BMAL2: variants seen among roughly 807,000 people sequenced by gnomAD.
BMAL2 encodes basic helix-loop-helix ARNT-like protein 2.
the BMAL2 span, among the ~76,000 whole-genome samples, chr12:27,339,040 C>T: frequency 6.6e-6 from 1 of 152,116 alleles, no homozygotes; most frequent in African/African-American, 2.4e-5. Flanking sequence ...GTTTGTTGTA[C>T]AGGTTATTTC....
At chr12:27,414,064 C>T in the BMAL2 span, among the ~76,000 whole-genome samples, 1 of 151,908 alleles carries the variant, frequency 6.6e-6, no homozygotes, top group African/African-American at 2.4e-5. Flanking sequence ...AAAAAAAACT[C>T]CCCTGCAAAA....
chr12:27,360,965 A>C, the BMAL2 span, among the ~76,000 whole-genome samples: 15 of 152,184 alleles, frequency 9.9e-5, no homozygotes, highest in Non-Finnish European at 2.1e-4. Context: ...ATTTTTAACC[A>C]AAAGTTATTT....
At chr12:27,341,692 C>A in the BMAL2 span, among the ~76,000 whole-genome samples, 1 of 152,162 alleles carries the variant, frequency 6.6e-6, no homozygotes, top group Admixed American at 6.5e-5. Context: ...GATGTGGGTA[C>A]GTGCTCCAGA....
At chr12:27,418,034 G>C in the BMAL2 span, 2 of 1,082,970 alleles carry the variant, frequency 1.8e-6, no homozygotes, top group Non-Finnish European at 2.7e-6. Context: ...TAAATAAAGA[G>C]TGTCCTTATT....
At chr12:27,339,258 A>G in the BMAL2 span, among the ~76,000 whole-genome samples, 3 of 152,206 alleles carry the variant, frequency 2.0e-5, no homozygotes, top group East Asian at 1.9e-4. Context: ...AATGGCCTCC[A>G]GTTCCATTGA....
At chr12:27,368,410 C>T in the BMAL2 span, 12 of 1,613,852 alleles carry the variant, frequency 7.4e-6, no homozygotes, top group Non-Finnish European at 1.0e-5. Context: ...CAGACCCATC[C>T]CAGTAAGTGA....
At chr12:27,336,666 C>T in the BMAL2 span, among the ~76,000 whole-genome samples, 1 of 152,010 alleles carries the variant, frequency 6.6e-6, no homozygotes, top group Non-Finnish European at 1.5e-5. Context: ...TATTTTTAAA[C>T]CTGGCTGGGC....
the BMAL2 span, among the ~76,000 whole-genome samples, chr12:27,340,185 G>A: frequency 1.3e-5 from 2 of 152,104 alleles, no homozygotes; most frequent in Non-Finnish European, 2.9e-5. Flanking sequence ...CTGTTCCTAT[G>A]TCCAGAATGG....
At chr12:27,374,210 A>G in the BMAL2 span, among the ~76,000 whole-genome samples, 1 of 152,164 alleles carries the variant, frequency 6.6e-6, no homozygotes, top group South Asian at 2.1e-4. Flanking sequence ...ATATATACAT[A>G]CATATATATA....
the BMAL2 span, among the ~76,000 whole-genome samples, chr12:27,349,029 G>A: frequency 6.6e-6 from 1 of 152,228 alleles, no homozygotes; most frequent in South Asian, 2.1e-4. Flanking sequence ...TGTTTTGACA[G>A]ATGAGTATAA....
the BMAL2 span, among the ~76,000 whole-genome samples, chr12:27,405,566 A>G: frequency 6.6e-6 from 1 of 152,262 alleles, no homozygotes. Flanking sequence ...ACTAACAAAC[A>G]GAAAGGACAT....
chr12:27,421,700 A>T, the BMAL2 span: 1 of 152,232 alleles, frequency 6.6e-6, no homozygotes, highest in Non-Finnish European at 1.5e-5. Flanking sequence ...CATTGGAAAC[A>T]TACTTAGGGA....
At chr12:27,393,010 C>T in the BMAL2 span, among the ~76,000 whole-genome samples, 387 of 152,270 alleles carry the variant, frequency 2.5e-3, 1 homozygote, top group African/African-American at 9.0e-3. Context: ...TGTATTCTCT[C>T]CCCTCCACCC....
the BMAL2 span, among the ~76,000 whole-genome samples, chr12:27,386,175 A>T: frequency 6.6e-6 from 1 of 152,192 alleles, no homozygotes; most frequent in African/African-American, 2.4e-5. Context: ...CCACTCTTTT[A>T]TTTGAACAGC....
the BMAL2 span, among the ~76,000 whole-genome samples, chr12:27,361,014 C>CT: frequency 1.3e-5 from 2 of 151,988 alleles, no homozygotes; most frequent in African/African-American, 4.8e-5. Context: ...TAAGATATAG[C>CT]ACACTATTGG....
the BMAL2 span, among the ~76,000 whole-genome samples, chr12:27,370,531 A>T: frequency 6.6e-6 from 1 of 152,208 alleles, no homozygotes; most frequent in African/African-American, 2.4e-5. Context: ...CTTTTTAAAA[A>T]GGAAAAATAT....
chr12:27,390,907 G>A, the BMAL2 span, among the ~76,000 whole-genome samples: 3 of 152,102 alleles, frequency 2.0e-5, no homozygotes, highest in Non-Finnish European at 4.4e-5. Context: ...CCTTTAAAAG[G>A]ATATTTATAT....
chr12:27,350,294 T>C, the BMAL2 span, among the ~76,000 whole-genome samples: 1 of 152,196 alleles, frequency 6.6e-6, no homozygotes, highest in Non-Finnish European at 1.5e-5. Flanking sequence ...CTTTCAAAAA[T>C]CAGTATAGTT....
the BMAL2 span, chr12:27,418,143 C>T: frequency 3.0e-4 from 476 of 1,613,468 alleles, no homozygotes; most frequent in Non-Finnish European, 3.8e-4. Flanking sequence ...GAGCTAGAGG[C>T]TACCAGGCAA....
Sources: allele counts gnomAD v4.1 joint callset (sites outside exome capture counted in the v4.1 genomes callset), GRCh38; gene constraint gnomAD v4.1.1; transcripts MANE v1.5; gene names NCBI Gene and HGNC (gene_info 2026-07-23, HGNC 2026-07-21).